The following TRPM3 variants were observed in gnomAD, a reference collection of about 807,000 sequenced individuals.
TRPM3 encodes the protein transient receptor potential cation channel subfamily M member 3, also known as long transient receptor potential channel 3.
In TRPM3, 77 loss-of-function variants were observed where a neutral mutation model predicts 181.2. That is an observed-to-expected ratio of 0.42 (90% CI 0.35 to 0.51). The LOEUF (loss-of-function observed/expected upper bound fraction) is 0.51. Among genes scored for constraint, TRPM3 ranks in the 20% least tolerant of loss-of-function variants. The pLI is 0.01. For missense variants in TRPM3, 1,759 were observed against 2,196.7 expected (o/e 0.80, Z 3.98); for synonymous variants, 745 against 796.4 (o/e 0.94, Z 1.09).
chr9:70,916,597 A>G (rs1254205472), intron 1 of TRPM3, among the ~76,000 whole-genome samples: 2 of 152,144 alleles, frequency 1.3e-5, no homozygotes, highest in East Asian at 1.9e-4. Context: ...TAAGCTCAGA[A>G]ACCATTTTTA....
At chr9:70,929,913 C>T (rs17056015) in intron 1 of TRPM3, among the ~76,000 whole-genome samples, 24,499 of 152,116 alleles carry the variant, frequency 0.16, 2,889 homozygotes, top group African/African-American at 0.33. Context: ...GACAGCGAAA[C>T]TGGGGAATCT....
In TRPM3 at chr9:71,204,084, C is replaced by T. The variant is rs548972426; in HGVS notation, c.183+242569G>A. Among the ~76,000 whole-genome samples the T allele has an allele frequency of 2.6e-4, 39 of 151,308 alleles. No individual in the cohort carries two copies. In the South Asian group the frequency reaches 5.7e-3, roughly 22 times the overall value. ...ATTCAAGATGGATTAAAGACTTAAA[C>T]ATTAGACCTAAAACCATAAAAACCC... On this transcript the variant is annotated intron_variant, in intron 1 of 24. Transcript: ENST00000357533.
At chr9:70,558,270 C>T (rs1001065052) in intron 22 of TRPM3, among the ~76,000 whole-genome samples, 4 of 152,142 alleles carry the variant, frequency 2.6e-5, no homozygotes, top group African/African-American at 9.7e-5. Flanking sequence ...GTCATAAAAA[C>T]CATGCGATTC....
At chr9:71,241,999 G>C (rs1193485996) in intron 1 of TRPM3, among the ~76,000 whole-genome samples, 1 of 152,212 alleles carries the variant, frequency 6.6e-6, no homozygotes, top group Non-Finnish European at 1.5e-5. Context: ...GAATGACTGA[G>C]ATATATTATT....
chr9:71,373,171 A>T (rs2092571701), intron 1 of TRPM3, among the ~76,000 whole-genome samples: 2 of 152,200 alleles, frequency 1.3e-5, no homozygotes, highest in Admixed American at 6.5e-5. Flanking sequence ...TGAGAAAGCT[A>T]GAACGATCTC....
chr9:71,071,819 G>A (rs974303903), intron 1 of TRPM3, among the ~76,000 whole-genome samples: 1 of 152,184 alleles, frequency 6.6e-6, no homozygotes, highest in African/African-American at 2.4e-5. Flanking sequence ...ATAACCGCCT[G>A]TGACATGAGG....
At chr9:70,898,763 AAAAGAAAAG>A (rs1297675462) in intron 1 of TRPM3, among the ~76,000 whole-genome samples, 55 of 141,738 alleles carry the variant, frequency 3.9e-4, no homozygotes, top group African/African-American at 1.4e-3. Context: ...AAAAAAAAAA[AAAAGAAAAG>A]AAAAGAAAAG....
At chr9:70,874,746 T>G (rs1288807211) in intron 1 of TRPM3, among the ~76,000 whole-genome samples, 1 of 151,866 alleles carries the variant, frequency 6.6e-6, no homozygotes, top group African/African-American at 2.4e-5. Flanking sequence ...TGTTTATCTC[T>G]TTGGCCCTGG....
chr9:70,576,944 C>A (rs1272710802), intron 22 of TRPM3, among the ~76,000 whole-genome samples: 1 of 152,206 alleles, frequency 6.6e-6, no homozygotes, highest in Non-Finnish European at 1.5e-5. Context: ...TTCCCCAGCT[C>A]TTTTCATGCC....
intron 1 of TRPM3, among the ~76,000 whole-genome samples, chr9:71,155,747 T>C (rs1280267182): frequency 2.6e-5 from 4 of 151,990 alleles, no homozygotes; most frequent in Non-Finnish European, 5.9e-5. Flanking sequence ...ATGCCAACAA[T>C]ACACAAGTAA....
chr9:70,784,077 C>A lies in TRPM3; in HGVS notation c.1148+28G>T, dbSNP rs367790071. 3.6e-5 allele frequency: 57 copies of A among 1,603,788 alleles called. No individual in the cohort carries two copies. In the African/African-American group the frequency reaches 6.2e-4, roughly 17 times the overall value. On this transcript the variant is annotated intron_variant, in intron 7 of 25. Coordinates refer to ENST00000677713, the MANE Select transcript of TRPM3 (RefSeq NM_001366145.2). ...TCGTTTCCAAACAGGCTTTAGGGTT[C>A]TTCCATGGGGCCTGGAAAGTTACCT...
chr9:71,089,775 T>A (rs1354034179), intron 1 of TRPM3, among the ~76,000 whole-genome samples: 1 of 152,182 alleles, frequency 6.6e-6, no homozygotes, highest in South Asian at 2.1e-4. Flanking sequence ...ACTCAGCGGA[T>A]GTCCTGAGCA....
At chr9:71,443,972 A>G (rs1420395102) in intron 1 of TRPM3, among the ~76,000 whole-genome samples, 1 of 152,124 alleles carries the variant, frequency 6.6e-6, no homozygotes, top group Non-Finnish European at 1.5e-5. Context: ...CGAGGTCAGG[A>G]GATCGAGACC....
At chr9:70,953,617 T>C (rs191252450) in intron 1 of TRPM3, among the ~76,000 whole-genome samples, 158 of 152,288 alleles carry the variant, frequency 1.0e-3, no homozygotes, top group Middle Eastern at 3.4e-3. Flanking sequence ...GTGAGATTAC[T>C]ACAGAATTTG....
At chr9:71,035,982 CTTTTT>C (rs35101881) in intron 1 of TRPM3, among the ~76,000 whole-genome samples, 2 of 98,240 alleles carry the variant, frequency 2.0e-5, no homozygotes, top group Non-Finnish European at 3.9e-5. Flanking sequence ...CAAACATAGG[CTTTTT>C]TTTTTTTTTT....
intron 1 of TRPM3, among the ~76,000 whole-genome samples, chr9:71,294,810 G>A (rs576769124): frequency 6.6e-6 from 1 of 152,276 alleles, no homozygotes; most frequent in Admixed American, 6.5e-5. Context: ...GAGCACGATT[G>A]ATTCTGAGTA....
At chr9:71,411,052 G>A (rs961499262) in intron 1 of TRPM3, among the ~76,000 whole-genome samples, 1 of 152,068 alleles carries the variant, frequency 6.6e-6, no homozygotes, top group Non-Finnish European at 1.5e-5. Flanking sequence ...AAATTCAACA[G>A]CCCTTCATGC....
intron 12 of TRPM3, among the ~76,000 whole-genome samples, chr9:70,633,238 G>T (rs1213074706): frequency 6.6e-6 from 1 of 152,118 alleles, no homozygotes; most frequent in African/African-American, 2.4e-5. Flanking sequence ...CAAAACATTT[G>T]GTTGAACATG....
chr9:70,668,139 G>T (rs2062112753), intron 9 of TRPM3, among the ~76,000 whole-genome samples: 1 of 152,154 alleles, frequency 6.6e-6, no homozygotes, highest in Non-Finnish European at 1.5e-5. Context: ...AAACATGGGG[G>T]TGGTCCTTAA....
Sources: gnomAD v4.1 joint callset for allele counts (sites outside exome capture counted in the v4.1 genomes callset) on GRCh38, gnomAD v4.1.1 for gene constraint, MANE v1.5 for transcripts, NCBI Gene and HGNC (gene_info 2026-07-23, HGNC 2026-07-21) for gene names.